CCNF: variants seen among roughly 807,000 people sequenced by gnomAD.
CCNF encodes cyclin F.
In CCNF, 30 loss-of-function variants were observed where a neutral mutation model predicts 85.4. The ratio of observed to expected loss-of-function variants is 0.35; its 90% CI spans 0.26 to 0.48. CCNF has a LOEUF of 0.48. CCNF is among the 20% of genes least tolerant of loss of function. The probability of loss-of-function intolerance (pLI) is 0.99; values close to 1 mark genes in which losing one functional copy is unlikely to be tolerated. For missense variants in CCNF, 919 were observed against 1,010.4 expected (o/e 0.91, Z 1.23); for synonymous variants, 439 against 425.1 (o/e 1.03, Z -0.40).
chr16:2,456,684 C>T lies in CCNF; in HGVS notation c.2025C>T (p.Thr675=). ...PQDPQALALD[T]QIPATPGPKP... is the part of the protein sequence containing the mutation. ...ACCCACAGGCACTGGCGCTGGACAC[C>T]CAGATCCCTGCAACCCCTGGACCCA... Residue 675 remains threonine, a synonymous_variant, in exon 17 of 17, where the codon ACC becomes ACT. Transcript: ENST00000397066. This position sits in a 1 kb window ranked among gnomAD's most constrained non-coding sequence, Gnocchi z 4.5. 6.2e-7 allele frequency: 1 copy of T among 1,613,586 alleles called. No homozygotes were observed. The highest frequency in any genetic ancestry group is 8.5e-7 in the Non-Finnish European group (1 of 1,179,906).
intron 5 of CCNF, 54 bp from the exon 6 acceptor site, chr16:2,438,016 C>T: frequency 1.6e-6 from 2 of 1,248,690 alleles, no homozygotes; most frequent in Non-Finnish European, 2.4e-6. Flanking sequence ...GGAGTGGTGG[C>T]CCCCGGGCAG....
chr16:2,449,039 T>A, intron 11 of CCNF, 61 bp downstream of exon 11: 4 of 738,206 alleles, frequency 5.4e-6, no homozygotes, highest in Non-Finnish European at 7.4e-6. Flanking sequence ...AGGGTGGGGG[T>A]GGGCATTCAG....
At chr16:2,437,621 G>A (rs2065298507) in intron 5 of CCNF, 2 of 366,234 alleles carry the variant, frequency 5.5e-6, no homozygotes, top group Non-Finnish European at 1.0e-5. Flanking sequence ...AGGTGTGGTG[G>A]CTCACGCCTG....
At chr16:2,439,520 T>C in intron 7 of CCNF, 63 bp downstream of exon 7, 1 of 1,256,312 alleles carries the variant, frequency 8.0e-7, no homozygotes, top group Non-Finnish European at 1.1e-6. Flanking sequence ...TTGATGCTGG[T>C]CCTTGGATGC....
intron 9 of CCNF, 96 bp from the exon 10 acceptor site, chr16:2,445,362 G>T: frequency 7.3e-7 from 1 of 1,369,804 alleles, no homozygotes; most frequent in South Asian, 1.3e-5. Flanking sequence ...GAGCTAGCCA[G>T]CTTATTTGGT....
chr16:2,449,962 T>G (rs756499606), intron 13 of CCNF, 47 bp downstream of exon 13: 1 of 1,351,100 alleles, frequency 7.4e-7, no homozygotes, highest in Non-Finnish European at 1.1e-6. Flanking sequence ...ACCCCAGCAC[T>G]TTGGGAGGCC....
intron 8 of CCNF, among the ~76,000 whole-genome samples, chr16:2,442,312 T>TTA (rs532807846): frequency 3.4e-4 from 45 of 134,228 alleles, no homozygotes; most frequent in African/African-American, 1.1e-3. Context: ...CAGCCCTTAA[T>TTA]TATATATATA....
In CCNF at chr16:2,455,482, G is replaced by A. The variant is rs183586946; in HGVS notation, c.1803G>A (p.Leu601=). The A allele has an allele frequency of 1.1e-5, 17 of 1,606,558 alleles. No individual in the cohort carries two copies. The highest frequency in any genetic ancestry group is 2.2e-5 in the South Asian group (2 of 90,740). The change falls in exon 16 of 17, where the codon CTG becomes CTA. Residue 601 remains leucine, a synonymous_variant. Transcript: ENST00000397066. The part of the protein sequence containing the change: ...AELSSQEETL[L]GSFLDWSLDC... ...TGTCCAGCCAGGAGGAGACGCTGCTGGGCAGCTTCCTCGACTGGAGCCTGG... is the reference window on the plus strand; with the variant it reads ...TGTCCAGCCAGGAGGAGACGCTGCTAGGCAGCTTCCTCGACTGGAGCCTGG...
rs894448096 is a variant in CCNF, at chr16:2,433,177, C to T, written c.278+110C>T. ...CAACGATTTTCCTGTTGCTGTCTCC[C>T]ATGACATTGCCTCATACCCTGGGGA... On this transcript the variant is annotated intron_variant, in intron 3 of 16. Coordinates refer to ENST00000397066, the MANE Select transcript of CCNF (RefSeq NM_001761.3). 18 of 683,274 alleles carry T rather than the reference C, an allele frequency of 2.6e-5. No individual in the cohort carries two copies. The East Asian group carries it at 4.7e-4, about 18-fold the overall frequency. The allele number at this position is 683,274 out of a possible 1,614,324, so 42.3% of individuals were successfully genotyped here.
At chr16:2,431,313 C>T in intron 2 of CCNF, 29 bp downstream of exon 2, 2 of 1,606,498 alleles carry the variant, frequency 1.2e-6, no homozygotes, top group Non-Finnish European at 1.7e-6. Context: ...ACACTATGAG[C>T]CCTAGCATTG....
intron 4 of CCNF, 170 bp from the exon 5 acceptor site, chr16:2,436,959 G>C: frequency 1.9e-6 from 1 of 515,504 alleles, no homozygotes; most frequent in Non-Finnish European, 3.4e-6. Context: ...AATGAAGTAG[G>C]GGGAGAAAAG....
At chr16:2,434,358 T>C (rs1365763982) in intron 3 of CCNF, among the ~76,000 whole-genome samples, 2 of 152,208 alleles carry the variant, frequency 1.3e-5, no homozygotes, top group African/African-American at 2.4e-5. Flanking sequence ...CTCACGCCTG[T>C]AATCCCAGCA....
chr16:2,455,346 C>G, intron 15 of CCNF, 49 bp from the exon 16 acceptor site: 1 of 1,500,294 alleles, frequency 6.7e-7, no homozygotes, highest in Non-Finnish European at 8.9e-7. Flanking sequence ...CCTGGCCTCC[C>G]AGCGCCGCCG....
chr16:2,439,211 T>C (rs1284455881), intron 6 of CCNF, 142 bp from the exon 7 acceptor site: 3 of 607,126 alleles, frequency 4.9e-6, no homozygotes, highest in Non-Finnish European at 8.6e-6. Context: ...GGCAGGAGAA[T>C]TGGTTGAACC....
In CCNF at chr16:2,439,375, C is replaced by G. The variant is rs781263300; in HGVS notation, c.617C>G (p.Ala206Gly). The change falls in exon 7 of 17, where the codon GCC becomes GGC. Residue 206 changes from alanine to glycine, a missense_variant. Ala to Gly is a moderately conservative substitution (Grantham distance 60). Coordinates refer to ENST00000397066, the MANE Select transcript of CCNF (RefSeq NM_001761.3). Reference protein sequence around the residue: ...LFEDEEKQQQAHDLFEEAAHQ... With the variant: ...LFEDEEKQQQGHDLFEEAAHQ... ...TAGGATGAGGAGAAGCAGCAGCAGG[C>G]CCATGACCTGTTTGAGGAGGCTGCT... 3 of 1,608,148 alleles carry G rather than the reference C, an allele frequency of 1.9e-6. No homozygotes were observed. The African/African-American group carries it at 4.0e-5, about 21-fold the overall frequency.
chr16:2,437,831 T>G, intron 5 of CCNF: 3 of 493,232 alleles, frequency 6.1e-6, no homozygotes, highest in Non-Finnish European at 7.3e-6. Context: ...CCTGGGAGGT[T>G]GAGCTTGCAA....
At position 2,456,822 on chromosome 16, in the gene CCNF, G is replaced by T. The variant is rs551964900; in HGVS notation, c.2163G>T (p.Leu721=). The T allele has an allele frequency of 3.7e-6, 6 of 1,613,910 alleles. No individual in the cohort carries two copies. In the African/African-American group the frequency reaches 6.7e-5, roughly 18 times the overall value. ...CCGTGGACGGTGGCTTGGGGGCCCT[G>T]CCCCAACCTACCTCAGTGCTGTCCC... ...TSSVDGGLGA[L]PQPTSVLSLD... Residue 721 remains leucine (L), a synonymous_variant, in exon 17 of 17, where the codon CTG becomes CTT. Coordinates refer to ENST00000397066, the MANE Select transcript of CCNF (RefSeq NM_001761.3). The surrounding 1 kb of genome is among the most constrained non-coding windows in gnomAD (Gnocchi z 4.5).
intron 9 of CCNF, among the ~76,000 whole-genome samples, chr16:2,444,824 T>C (rs2065352616): frequency 3.3e-5 from 5 of 152,000 alleles, no homozygotes; most frequent in Admixed American, 3.3e-4. Flanking sequence ...CTTGAACTCC[T>C]GGGCTCAAGC....
chr16:2,452,385 C>T lies in CCNF; in HGVS notation c.1488-825C>T, dbSNP rs1216965947. Among the ~76,000 whole-genome samples, 5 of 152,154 alleles carry T rather than the reference C, an allele frequency of 3.3e-5. No individual in the cohort carries two copies. Among genetic ancestry groups the T allele is most frequent in the African/African-American group, 1.2e-4 (5 of 41,420 alleles). ...GACCCTGTGCCTTCTGGGCAAGGAA[C>T]GAGGCTGACAGTAGAAGGGTTCGCA... On this transcript the variant is annotated intron_variant, in intron 13 of 16. Transcript: ENST00000397066. This position sits in a 1 kb window ranked among gnomAD's most constrained non-coding sequence, Gnocchi z 4.1.
Sources: allele counts gnomAD v4.1 joint callset (sites outside exome capture counted in the v4.1 genomes callset), GRCh38; gene constraint gnomAD v4.1.1; non-coding constraint Gnocchi (gnomAD v3.1); transcripts MANE v1.5; gene names NCBI Gene and HGNC (gene_info 2026-07-23, HGNC 2026-07-21).